FAM178B: variants seen among roughly 807,000 people sequenced by gnomAD.
The protein encoded by FAM178B is protein FAM178B.
Under a neutral mutation model 91.7 loss-of-function variants are expected in FAM178B, and 82 were observed. The ratio of observed to expected loss-of-function variants is 0.89; its 90% CI spans 0.75 to 1.07. FAM178B has a LOEUF of 1.07. FAM178B is among the 50% of genes least tolerant of loss of function. FAM178B has a pLI of 0.00. For synonymous variants in FAM178B, 368 were observed against 359.4 expected (o/e 1.02, Z -0.27); for missense variants, 769 against 846.7 (o/e 0.91, Z 1.14).
intron 12 of FAM178B, among the ~76,000 whole-genome samples, chr2:96,919,929 T>C (rs1421390746): frequency 6.6e-6 from 1 of 152,164 alleles, no homozygotes; most frequent in Non-Finnish European, 1.5e-5. Flanking sequence ...GCAGAGCCTC[T>C]ACCAGGCTGG....
intron 5 of FAM178B, among the ~76,000 whole-genome samples, chr2:96,966,747 G>A (rs1279402219): frequency 6.6e-6 from 1 of 152,138 alleles, no homozygotes; most frequent in African/African-American, 2.4e-5. Flanking sequence ...GAGGCATGAG[G>A]GTGGAGCCTT....
chr2:96,882,534 G>C (rs545343310), intron 14 of FAM178B, among the ~76,000 whole-genome samples: 1 of 152,334 alleles, frequency 6.6e-6, no homozygotes, highest in African/African-American at 2.4e-5. Context: ...AACTTAGCAA[G>C]CCTGCTCCTG....
At chr2:96,945,194 T>C (rs140140793) in intron 8 of FAM178B, among the ~76,000 whole-genome samples, 2 of 152,298 alleles carry the variant, frequency 1.3e-5, no homozygotes, top group African/African-American at 4.8e-5. Context: ...CTTCTCTGAG[T>C]GCACTGAGCT....
chr2:96,942,347 C>T lies in FAM178B; in HGVS notation c.1078+5471G>A, dbSNP rs549955455. On this transcript the variant is annotated intron_variant, in intron 8 of 16. Coordinates refer to ENST00000490605, the MANE Select transcript of FAM178B (RefSeq NM_001122646.3). ...CAGCTTTCAATGTTGCAGAAATTGA[C>T]GAGCTGGTCCTAAAATTCACATGGA... Among the ~76,000 whole-genome samples, 6 of 152,314 alleles carry T rather than the reference C, an allele frequency of 3.9e-5. No homozygotes were observed. In the South Asian group the frequency reaches 1.0e-3, roughly 26 times the overall value.
In FAM178B at chr2:96,960,315, C is replaced by A. The variant is rs567571970; in HGVS notation, c.860G>T (p.Arg287Leu). 1.3e-6 allele frequency: 2 copies of A among 1,551,738 alleles called. No individual in the cohort carries two copies. The highest frequency in any genetic ancestry group is 3.3e-4 in the Middle Eastern group (2 of 5,988). The change falls in exon 6 of 17, where the codon CGC becomes CTC. Residue 287 changes from arginine to leucine, a missense_variant. Arg to Leu is a moderately radical substitution (Grantham distance 102). Transcript: ENST00000490605. ...CILDSSLLKP[R>L]SHLEGLFLSS... Reference sequence around the variant, plus strand: ...GAGGAACAGCCCTTCCAGGTGGCTGCGTGGCTTCAGGAGTGAGGAGTCCAG... The same window carrying A: ...GAGGAACAGCCCTTCCAGGTGGCTGAGTGGCTTCAGGAGTGAGGAGTCCAG...
chr2:96,952,843 T>C (rs1261917861), intron 6 of FAM178B, among the ~76,000 whole-genome samples: 1 of 152,186 alleles, frequency 6.6e-6, no homozygotes, highest in Non-Finnish European at 1.5e-5. Context: ...TTCTTCTTTT[T>C]AATGGCCCAA....
At chr2:96,960,851 G>A (rs1018957346) in intron 5 of FAM178B, among the ~76,000 whole-genome samples, 1 of 152,172 alleles carries the variant, frequency 6.6e-6, no homozygotes, top group Non-Finnish European at 1.5e-5. Flanking sequence ...CTCCATAAGG[G>A]CCCAGGAGAG....
chr2:96,981,520 G>A (rs567116792), intron 1 of FAM178B, among the ~76,000 whole-genome samples: 1 of 152,202 alleles, frequency 6.6e-6, no homozygotes, highest in African/African-American at 2.4e-5. Flanking sequence ...GGGAGGCCAA[G>A]GCAGGCAGAT....
At chr2:96,972,652 C>T in intron 1 of FAM178B, 46 bp from the exon 2 acceptor site, 1 of 1,515,750 alleles carries the variant, frequency 6.6e-7, no homozygotes, top group Non-Finnish European at 8.9e-7. Context: ...CAGAAGAAAG[C>T]TAAAGGTTCT....
At chr2:96,931,340 T>C (rs2081535186) in intron 8 of FAM178B, among the ~76,000 whole-genome samples, 2 of 152,162 alleles carry the variant, frequency 1.3e-5, no homozygotes, top group South Asian at 2.1e-4. Flanking sequence ...GCTCATGGTC[T>C]AGGAGGAACA....
intron 1 of FAM178B, among the ~76,000 whole-genome samples, chr2:96,977,054 G>A (rs948365690): frequency 5.3e-5 from 8 of 151,168 alleles, no homozygotes; most frequent in African/African-American, 1.9e-4. Flanking sequence ...AATTAGCTGG[G>A]CGTGGTGGCA....
chr2:96,975,911 T>G (rs1011505764), intron 1 of FAM178B, among the ~76,000 whole-genome samples: 2 of 151,272 alleles, frequency 1.3e-5, no homozygotes, highest in African/African-American at 4.9e-5. Context: ...CCGCGCCCGA[T>G]CTAATATACT....
intron 1 of FAM178B, among the ~76,000 whole-genome samples, chr2:96,973,795 T>C (rs956828693): frequency 6.6e-6 from 1 of 151,230 alleles, no homozygotes; most frequent in Non-Finnish European, 1.5e-5. Flanking sequence ...GAGGTCAGAG[T>C]TCGAGACCAG....
intron 7 of FAM178B, among the ~76,000 whole-genome samples, chr2:96,948,564 T>C (rs2081869386): frequency 6.6e-6 from 1 of 152,176 alleles, no homozygotes; most frequent in Admixed American, 6.5e-5. Flanking sequence ...ACAGGTGCCA[T>C]CTGGTCTAGG....
At chr2:96,896,755 C>A (rs1411702944) in intron 13 of FAM178B, among the ~76,000 whole-genome samples, 1 of 152,222 alleles carries the variant, frequency 6.6e-6, no homozygotes, top group East Asian at 1.9e-4. Flanking sequence ...CTTCCTGGAG[C>A]TGGTGCCCTG....
intron 8 of FAM178B, among the ~76,000 whole-genome samples, chr2:96,943,722 A>G (rs2081772282): frequency 6.6e-6 from 1 of 151,590 alleles, no homozygotes; most frequent in Non-Finnish European, 1.5e-5. Flanking sequence ...GGCCTTCAAG[A>G]CCTCGTCTTA....
intron 7 of FAM178B, among the ~76,000 whole-genome samples, chr2:96,948,303 G>A (rs2081865018): frequency 6.6e-6 from 1 of 152,236 alleles, no homozygotes; most frequent in African/African-American, 2.4e-5. Context: ...ATCACAGGCA[G>A]CAGGACAATC....
At position 96,954,726 on chromosome 2, in the gene FAM178B, T is replaced by C. The variant is rs559881028; in HGVS notation, c.888-3242A>G. On this transcript the variant is annotated intron_variant, in intron 6 of 16. Transcript: ENST00000490605. Reference sequence around the variant, plus strand: ...ACCAATAGCAACCAAAGCGTTCACCTATGGCCTTTTGCTTTCTCTTTCTTT... The same window carrying C: ...ACCAATAGCAACCAAAGCGTTCACCCATGGCCTTTTGCTTTCTCTTTCTTT... Among the ~76,000 whole-genome samples the C allele has an allele frequency of 2.6e-5, 4 of 152,368 alleles. No homozygotes were observed. The South Asian group carries it at 8.3e-4, about 32-fold the overall frequency.
At chr2:96,921,977 G>A (rs1334046637) in intron 10 of FAM178B, among the ~76,000 whole-genome samples, 1 of 152,114 alleles carries the variant, frequency 6.6e-6, no homozygotes, top group Admixed American at 6.5e-5. Context: ...AGGTTGGCAC[G>A]ATACAGCTCA....
Sources: gnomAD v4.1 joint callset for allele counts (sites outside exome capture counted in the v4.1 genomes callset) on GRCh38, gnomAD v4.1.1 for gene constraint, MANE v1.5 for transcripts, NCBI Gene and HGNC (gene_info 2026-07-23, HGNC 2026-07-21) for gene names.